UTS2B: variants seen among roughly 807,000 people sequenced by gnomAD.
UTS2B encodes the protein urotensin-2B.
A neutral mutation model predicts 19.2 loss-of-function variants in UTS2B; 21 were observed. The ratio of observed to expected loss-of-function variants is 1.09; its 90% CI spans 0.78 to 1.58. The LOEUF (loss-of-function observed/expected upper bound fraction) is 1.58. Ranked by LOEUF, UTS2B falls within the 40% of genes most tolerant of loss-of-function variation. UTS2B has a pLI of 0.00. For missense variants in UTS2B, 138 were observed against 130.3 expected (o/e 1.06, Z -0.29); for synonymous variants, 57 against 50.2 (o/e 1.14, Z -0.58).
chr3:191,288,081 A>G (rs889694519), intron 4 of UTS2B, among the ~76,000 whole-genome samples: 17 of 152,200 alleles, frequency 1.1e-4, no homozygotes, highest in Admixed American at 9.8e-4. Context: ...TTTATCAAAT[A>G]AGGTAAAAGA....
At chr3:191,329,939 G>T (rs1717898242) in intron 1 of UTS2B, among the ~76,000 whole-genome samples, 1 of 91,324 alleles carries the variant, frequency 1.1e-5, no homozygotes, top group African/African-American at 7.0e-5. Flanking sequence ...TCAAGGGGGT[G>T]GTTGGGGGGG....
chr3:191,312,562 A>T (rs900744638), intron 3 of UTS2B, among the ~76,000 whole-genome samples: 3 of 152,144 alleles, frequency 2.0e-5, no homozygotes, highest in Admixed American at 2.0e-4. Context: ...GCCCCTATAC[A>T]AATCAATTGC....
intron 1 of UTS2B, chr3:191,329,662 AC>A: frequency 6.2e-7 from 1 of 1,607,052 alleles, no homozygotes; most frequent in Admixed American, 1.7e-5. Context: ...GGCAACCGGG[AC>A]CCTGGCCCGG....
chr3:191,270,152 A>G (rs1483932097), intron 8 of UTS2B, among the ~76,000 whole-genome samples: 1 of 152,198 alleles, frequency 6.6e-6, no homozygotes, highest in Admixed American at 6.5e-5. Flanking sequence ...TCATCCTCAT[A>G]TATTGTTATT....
At chr3:191,337,643 T>C in the UTS2B span, among the ~76,000 whole-genome samples, 1 of 151,956 alleles carries the variant, frequency 6.6e-6, no homozygotes, top group Admixed American at 6.6e-5. Context: ...GCACCCAGCC[T>C]CTTTTTTTAA....
At chr3:191,269,587 T>C (rs980696813) in intron 8 of UTS2B, among the ~76,000 whole-genome samples, 8 of 151,774 alleles carry the variant, frequency 5.3e-5, no homozygotes, top group African/African-American at 1.9e-4. Flanking sequence ...GGCATGATCA[T>C]AGAGTGCTAC....
chr3:191,315,876 T>A (rs1364284033), intron 3 of UTS2B, among the ~76,000 whole-genome samples, 160 bp downstream of exon 3: 2 of 152,264 alleles, frequency 1.3e-5, no homozygotes, highest in Non-Finnish European at 2.9e-5. Flanking sequence ...AAGGTAAACA[T>A]GCTGCCATAT....
intron 8 of UTS2B, among the ~76,000 whole-genome samples, chr3:191,270,293 C>T (rs2108565020): frequency 6.6e-6 from 1 of 152,262 alleles, no homozygotes; most frequent in South Asian, 2.1e-4. Flanking sequence ...AACTCCTTGG[C>T]TCAAGGGACC....
At chr3:191,285,815 A>T (rs1716527922) in intron 4 of UTS2B, among the ~76,000 whole-genome samples, 1 of 152,000 alleles carries the variant, frequency 6.6e-6, no homozygotes, top group Non-Finnish European at 1.5e-5. Context: ...AGGGGAATCA[A>T]TTGAACCCAG....
intron 1 of UTS2B, 96 bp downstream of exon 1, chr3:191,330,317 AC>A (rs1560151786): frequency 5.9e-5 from 9 of 153,698 alleles, no homozygotes; most frequent in South Asian, 4.1e-4. Context: ...ACACACACAC[AC>A]ACACACACAC....
At chr3:191,331,128 AG>A (rs1389064539), upstream of UTS2B, among the ~76,000 whole-genome samples, 1 of 152,044 alleles carries the variant, frequency 6.6e-6, no homozygotes, top group African/African-American at 2.4e-5. Flanking sequence ...TTTGGATATG[AG>A]GGTTTTTTGT....
At chr3:191,343,157 T>G in the UTS2B span, among the ~76,000 whole-genome samples, 3 of 152,208 alleles carry the variant, frequency 2.0e-5, no homozygotes, top group African/African-American at 7.2e-5. Context: ...TATGCACCTA[T>G]TTTGGTATCT....
At chr3:191,283,773 TTAC>T (rs1428212798) in intron 4 of UTS2B, among the ~76,000 whole-genome samples, 1 of 114,680 alleles carries the variant, frequency 8.7e-6, no homozygotes, top group Non-Finnish European at 2.3e-5. Context: ...TCTTTGTGTC[TTAC>T]TTTCTTAAGA....
At chr3:191,345,136 G>T in the UTS2B span, among the ~76,000 whole-genome samples, 1 of 152,192 alleles carries the variant, frequency 6.6e-6, no homozygotes, top group South Asian at 2.1e-4. Flanking sequence ...CTTAACTTGA[G>T]TGCTTTCTGT....
chr3:191,313,231 G>A (rs1418183407), intron 3 of UTS2B, among the ~76,000 whole-genome samples: 1 of 152,136 alleles, frequency 6.6e-6, no homozygotes, highest in African/African-American at 2.4e-5. Context: ...CTGACTACAA[G>A]TGATCCACCC....
At chr3:191,298,348 T>A (rs2108591584) in intron 4 of UTS2B, among the ~76,000 whole-genome samples, 1 of 152,308 alleles carries the variant, frequency 6.6e-6, no homozygotes, top group East Asian at 1.9e-4. Context: ...GGGAGGTGTT[T>A]GGATCATGGG....
At chr3:191,286,343 G>C (rs1234160928) in intron 4 of UTS2B, among the ~76,000 whole-genome samples, 1 of 152,110 alleles carries the variant, frequency 6.6e-6, no homozygotes, top group Non-Finnish European at 1.5e-5. Flanking sequence ...TCAGGTGCAT[G>C]CCAAATATTC....
At chr3:191,288,603 G>C (rs554126698) in intron 4 of UTS2B, among the ~76,000 whole-genome samples, 2 of 152,108 alleles carry the variant, frequency 1.3e-5, no homozygotes, top group East Asian at 3.9e-4. Flanking sequence ...CTTATTCCAC[G>C]CTATATGCAA....
chr3:191,289,554 C>T (rs977483519), intron 4 of UTS2B, among the ~76,000 whole-genome samples: 4 of 151,850 alleles, frequency 2.6e-5, no homozygotes, highest in East Asian at 1.9e-4. Flanking sequence ...GGGATGAAAA[C>T]GTAAAGAAAA....
Sources: gnomAD v4.1 joint callset for allele counts (sites outside exome capture counted in the v4.1 genomes callset) on GRCh38, gnomAD v4.1.1 for gene constraint, MANE v1.5 for transcripts, NCBI Gene and HGNC (gene_info 2026-07-23, HGNC 2026-07-21) for gene names.